Variants in SLC44A5 observed in about 807,000 individuals in gnomAD.
SLC44A5 encodes the protein choline transporter-like protein 5.
Under a neutral mutation model 101.8 loss-of-function variants are expected in SLC44A5, and 57 were observed. That is an observed-to-expected ratio of 0.56 (90% confidence interval 0.45 to 0.70). SLC44A5 has a LOEUF of 0.70. Among genes scored for constraint, SLC44A5 ranks in the 30% least tolerant of loss-of-function variants. The probability of loss-of-function intolerance (pLI) is 0.00; values close to 1 mark genes in which losing one functional copy is unlikely to be tolerated. For missense variants in SLC44A5, 737 were observed against 853.1 expected (o/e 0.86, Z 1.70); for synonymous variants, 281 against 290.9 (o/e 0.97, Z 0.35).
At chr1:75,526,399 G>C (rs976485600) in intron 2 of SLC44A5, among the ~76,000 whole-genome samples, 2 of 152,196 alleles carry the variant, frequency 1.3e-5, no homozygotes, top group Non-Finnish European at 2.9e-5. Flanking sequence ...TCATGTAACT[G>C]GCTCAGAGGG....
intron 23 of SLC44A5, among the ~76,000 whole-genome samples, chr1:75,210,736 G>C (rs1646836843): frequency 6.6e-6 from 1 of 152,128 alleles, no homozygotes; most frequent in South Asian, 2.1e-4. Flanking sequence ...ATAATTTCAT[G>C]CTAACAGTAT....
chr1:75,415,751 G>A (rs1663600633), intron 2 of SLC44A5, among the ~76,000 whole-genome samples: 1 of 152,134 alleles, frequency 6.6e-6, no homozygotes, highest in African/African-American at 2.4e-5. Flanking sequence ...ATGGAAATGA[G>A]GAACTTGTTG....
chr1:75,552,626 GT>G (rs10715457), intron 1 of SLC44A5, among the ~76,000 whole-genome samples: 95,363 of 129,610 alleles, frequency 0.74, 33,902 homozygotes, highest in East Asian at 0.9. Context: ...TGTATGGCTG[GT>G]TTTTTTTTTT....
chr1:75,366,387 TG>T (rs1659859376), intron 3 of SLC44A5, among the ~76,000 whole-genome samples: 1 of 152,192 alleles, frequency 6.6e-6, no homozygotes, highest in African/African-American at 2.4e-5. Context: ...AGAAACCCAT[TG>T]GCAGCCTCAT....
intron 5 of SLC44A5, among the ~76,000 whole-genome samples, chr1:75,299,716 A>G (rs529946784): frequency 2.0e-5 from 3 of 152,056 alleles, no homozygotes; most frequent in South Asian, 4.1e-4. Flanking sequence ...GTTGTTTAAA[A>G]AAAATCCAAA....
chr1:75,660,384 C>T, the SLC44A5 span, among the ~76,000 whole-genome samples: 54 of 151,850 alleles, frequency 3.6e-4, no homozygotes, highest in Admixed American at 2.6e-4. Context: ...TAATACTGAC[C>T]GGGAAAAAAT....
chr1:75,694,365 A>G, the SLC44A5 span, among the ~76,000 whole-genome samples: 3 of 151,976 alleles, frequency 2.0e-5, no homozygotes, highest in Non-Finnish European at 4.4e-5. Context: ...TTTCTTTAGA[A>G]TCTCCTGAGT....
chr1:75,523,574 G>A (rs192818348), intron 2 of SLC44A5, among the ~76,000 whole-genome samples: 12 of 151,856 alleles, frequency 7.9e-5, no homozygotes, highest in East Asian at 3.9e-4. Flanking sequence ...CACCCGCCTC[G>A]GCCTCCCAAA....
At chr1:75,284,005 T>A (rs1254436013) in intron 5 of SLC44A5, among the ~76,000 whole-genome samples, 1 of 152,136 alleles carries the variant, frequency 6.6e-6, no homozygotes, top group Non-Finnish European at 1.5e-5. Context: ...TGATTCCATA[T>A]GAATTTTAAG....
chr1:75,431,596 T>A (rs1664614712), intron 2 of SLC44A5, among the ~76,000 whole-genome samples: 1 of 152,212 alleles, frequency 6.6e-6, no homozygotes, highest in Non-Finnish European at 1.5e-5. Context: ...CAGCATTTAA[T>A]AGTCTAGTGG....
intron 3 of SLC44A5, among the ~76,000 whole-genome samples, chr1:75,341,064 T>G (rs1434992898): frequency 2.0e-5 from 3 of 152,242 alleles, no homozygotes; most frequent in Non-Finnish European, 4.4e-5. Context: ...TATTAATAAT[T>G]CGTTCTCTCT....
At chr1:75,610,385 T>C (rs1675587800) in intron 1 of SLC44A5, among the ~76,000 whole-genome samples, 1 of 152,138 alleles carries the variant, frequency 6.6e-6, no homozygotes, top group African/African-American at 2.4e-5. Context: ...TATCTTCTCT[T>C]ACTATTCATC....
At chr1:75,540,357 T>C (rs978776918) in intron 2 of SLC44A5, among the ~76,000 whole-genome samples, 1 of 152,214 alleles carries the variant, frequency 6.6e-6, no homozygotes, top group African/African-American at 2.4e-5. Flanking sequence ...AAATGTCCTC[T>C]AAGTCTGTCG....
the SLC44A5 span, among the ~76,000 whole-genome samples, chr1:75,676,104 T>C: frequency 6.6e-6 from 1 of 152,208 alleles, no homozygotes; most frequent in Non-Finnish European, 1.5e-5. Context: ...GGTGGGAATG[T>C]AAATTAGTTC....
At chr1:75,672,633 G>A in the SLC44A5 span, among the ~76,000 whole-genome samples, 1 of 152,198 alleles carries the variant, frequency 6.6e-6, no homozygotes. Context: ...AGCCAAAGGA[G>A]TGCTTGCATG....
chr1:75,586,863 A>C (rs1031125399), intron 1 of SLC44A5, among the ~76,000 whole-genome samples: 8 of 151,996 alleles, frequency 5.3e-5, no homozygotes, highest in Admixed American at 5.2e-4. Context: ...TGCATGAAAT[A>C]GAGTAAATTA....
intron 3 of SLC44A5, among the ~76,000 whole-genome samples, chr1:75,363,323 T>C (rs981560195): frequency 2.6e-5 from 4 of 152,038 alleles, no homozygotes; most frequent in African/African-American, 9.7e-5. Context: ...GGTAAGGATG[T>C]ATTATTGCCA....
chr1:75,440,642 T>C (rs1278366268), intron 2 of SLC44A5, among the ~76,000 whole-genome samples: 1 of 152,094 alleles, frequency 6.6e-6, no homozygotes, highest in Non-Finnish European at 1.5e-5. Flanking sequence ...TGAATGAGAT[T>C]ATAAGATGGA....
intron 18 of SLC44A5, among the ~76,000 whole-genome samples, chr1:75,216,472 T>A (rs1167755778): frequency 2.6e-5 from 4 of 151,938 alleles, no homozygotes; most frequent in Non-Finnish European, 4.4e-5. Flanking sequence ...ATATAGGATT[T>A]CTGGGTCATA....
Sources: allele counts gnomAD v4.1 joint callset (sites outside exome capture counted in the v4.1 genomes callset), GRCh38; gene constraint gnomAD v4.1.1; transcripts MANE v1.5; gene names NCBI Gene and HGNC (gene_info 2026-07-23, HGNC 2026-07-21).